GAD2: variants seen among roughly 807,000 people sequenced by gnomAD.
GAD2 encodes the protein glutamate decarboxylase 2, also known as 65 kDa glutamic acid decarboxylase.
In GAD2, 22 loss-of-function variants were observed where a neutral mutation model predicts 80.1. That is an observed-to-expected ratio of 0.27 (90% CI 0.20 to 0.39). The LOEUF is 0.39. Ranked by LOEUF, GAD2 falls within the 10% of genes least tolerant of loss-of-function variation. GAD2 has a pLI of 1.00. For missense variants in GAD2, 624 were observed against 738.4 expected, an observed-to-expected ratio of 0.85 and a Z score of 1.80; for synonymous variants, 274 against 256.9, an observed-to-expected ratio of 1.07 and a Z score of -0.64.
rs769617908 is a variant in GAD2 at position 26,245,967 on chromosome 10, C to G, written c.887C>G (p.Thr296Arg). 6.2e-7 allele frequency: 1 copy of G among 1,614,134 alleles called. No homozygotes were observed. The highest frequency in any genetic ancestry group is 1.3e-5 in the African/African-American group (1 of 75,038). Residue 296 changes from threonine (T) to arginine (R), a missense_variant, in exon 8 of 16, where the codon ACA (threonine) becomes AGA (arginine). Thr to Arg is a moderately conservative substitution (Grantham distance 71, BLOSUM62 -1). Transcript: ENST00000376261. ...GGAGCTGCAGCCTTAGGGATTGGAA[C>G]AGACAGCGTGATTCTGATTAAATGT... is the stretch of plus-strand genomic sequence containing the variant. ...KKGAAALGIG[T>R]DSVILIKCDE...
intron 7 of GAD2, among the ~76,000 whole-genome samples, chr10:26,241,412 T>G (rs1404210531): frequency 6.6e-6 from 1 of 152,190 alleles, no homozygotes; most frequent in African/African-American, 2.4e-5. Flanking sequence ...CCCTCCTGTC[T>G]AGGGCCAGGT....
intron 7 of GAD2, 76 bp from the exon 8 acceptor site, chr10:26,245,845 C>G: frequency 8.4e-7 from 1 of 1,186,530 alleles, no homozygotes; most frequent in Non-Finnish European, 1.2e-6. Context: ...AAAAGGAAAA[C>G]AGAAAACAAA....
intron 8 of GAD2, 38 bp downstream of exon 8, chr10:26,246,038 T>G: frequency 6.4e-7 from 1 of 1,574,786 alleles, no homozygotes; most frequent in South Asian, 1.1e-5. Flanking sequence ...GTTAGCAATT[T>G]GCAAATTCCA....
chr10:26,219,664 G>A (rs933940337), intron 4 of GAD2, among the ~76,000 whole-genome samples: 10 of 152,190 alleles, frequency 6.6e-5, no homozygotes, highest in Non-Finnish European at 8.8e-5. Context: ...ACAAAAGCCC[G>A]AATACCAGTG....
intron 4 of GAD2, among the ~76,000 whole-genome samples, chr10:26,222,864 A>G (rs1483028122): frequency 3.9e-5 from 6 of 152,240 alleles, no homozygotes; most frequent in African/African-American, 1.4e-4. Flanking sequence ...ATCACATCCC[A>G]GGCTTCAGAC....
Position 26,229,582 on chromosome 10 carries a change from A to G in GAD2, c.725-80A>G, listed in dbSNP as rs978744435. 9.4e-6 allele frequency: 9 copies of G among 959,574 alleles called. 1 individual carries two copies. Among genetic ancestry groups the G allele is most frequent in the South Asian group, 2.9e-5 (2 of 70,118 alleles). The allele number at this position is 959,574 out of a possible 1,614,324, so 59.4% of individuals were successfully genotyped here. ...TCTGAGTCCAAGGAGGACTCAGGTC[A>G]GTGGAAATAAGGAATGTTGCTTGCA... On this transcript the variant is annotated intron_variant, in intron 6 of 15. Transcript: ENST00000376261.
At chr10:26,275,142 TA>T (rs1845184171) in intron 11 of GAD2, among the ~76,000 whole-genome samples, 1 of 151,992 alleles carries the variant, frequency 6.6e-6, no homozygotes, top group South Asian at 2.1e-4. Flanking sequence ...GGAGAGACAA[TA>T]AAAGAGAGAG....
chr10:26,274,325 A>G (rs1845173635), intron 11 of GAD2, among the ~76,000 whole-genome samples: 1 of 152,224 alleles, frequency 6.6e-6, no homozygotes, highest in Admixed American at 6.5e-5. Context: ...AAAAGCTGAA[A>G]AACACAAAGG....
chr10:26,254,685 G>A lies in GAD2; in HGVS notation c.920+8685G>A, dbSNP rs372936227. Reference sequence around the variant, plus strand: ...CATCACTGAAGGGTTTTGAGCAGGGGAACAACAGCATATTTTTGTGTTAGA... The same window carrying A: ...CATCACTGAAGGGTTTTGAGCAGGGAAACAACAGCATATTTTTGTGTTAGA... On this transcript the variant is annotated intron_variant, in intron 8 of 15. Transcript: ENST00000376261. 1.3e-3 allele frequency among the ~76,000 whole-genome samples: 205 copies of A among 152,342 alleles called. 2 individuals are homozygous for A. The highest frequency in any genetic ancestry group is 4.8e-3 in the African/African-American group (200 of 41,584).
chr10:26,268,504 A>G (rs1178382578), intron 8 of GAD2, among the ~76,000 whole-genome samples: 1 of 151,672 alleles, frequency 6.6e-6, no homozygotes, highest in Non-Finnish European at 1.5e-5. Flanking sequence ...TGTCTCTCGT[A>G]CCATGATTAT....
At chr10:26,231,693 G>A (rs962747768) in intron 7 of GAD2, among the ~76,000 whole-genome samples, 1 of 152,036 alleles carries the variant, frequency 6.6e-6, no homozygotes, top group Non-Finnish European at 1.5e-5. Flanking sequence ...TAGTTCTGGG[G>A]GTCAAAAATC....
intron 7 of GAD2, among the ~76,000 whole-genome samples, chr10:26,232,240 T>A (rs543913748): frequency 6.6e-6 from 1 of 152,276 alleles, no homozygotes; most frequent in Admixed American, 6.5e-5. Context: ...GATCTTTTAT[T>A]GGGCGTCTTT....
At chr10:26,292,431 C>A in intron 13 of GAD2, 34 bp from the exon 14 acceptor site, 1 of 1,524,320 alleles carries the variant, frequency 6.6e-7, no homozygotes. Context: ...GCACTCTTAG[C>A]CTGCTTAATG....
At chr10:26,218,552 C>CTCTG (rs66671953) in intron 3 of GAD2, among the ~76,000 whole-genome samples, 1 of 15,692 alleles carries the variant, frequency 6.4e-5, no homozygotes, top group African/African-American at 8.9e-5. Flanking sequence ...CTCTCTCTCT[C>CTCTG]ACACACACAC....
intron 12 of GAD2, among the ~76,000 whole-genome samples, chr10:26,282,816 T>A (rs1425323658): frequency 6.6e-6 from 1 of 152,200 alleles, no homozygotes; most frequent in East Asian, 1.9e-4. Context: ...CTTCTGTGTC[T>A]TCATCAGTAA....
chr10:26,272,693 G>T (rs570638445), intron 10 of GAD2, among the ~76,000 whole-genome samples: 2 of 152,048 alleles, frequency 1.3e-5, no homozygotes, highest in South Asian at 2.1e-4. Context: ...GTGAAACCTC[G>T]TCTCTACTAA....
chr10:26,269,250 T>C, intron 9 of GAD2, 77 bp downstream of exon 9: 1 of 1,281,656 alleles, frequency 7.8e-7, no homozygotes, highest in Non-Finnish European at 1.1e-6. Context: ...GTTTTGGTTT[T>C]ATTTTAAAAA....
intron 4 of GAD2, among the ~76,000 whole-genome samples, chr10:26,221,025 C>G (rs541253354): frequency 4.6e-5 from 7 of 152,306 alleles, no homozygotes; most frequent in Non-Finnish European, 7.4e-5. Context: ...CAAGGCATAT[C>G]AATTCAATCT....
At chr10:26,234,322 C>A (rs1040665171) in intron 7 of GAD2, among the ~76,000 whole-genome samples, 1 of 135,558 alleles carries the variant, frequency 7.4e-6, no homozygotes, top group Non-Finnish European at 1.6e-5. Context: ...AGTGAGACTC[C>A]GTCAAAAAAA....
Sources: allele counts gnomAD v4.1 joint callset (sites outside exome capture counted in the v4.1 genomes callset), GRCh38; gene constraint gnomAD v4.1.1; transcripts MANE v1.5; gene names NCBI Gene and HGNC (gene_info 2026-07-23, HGNC 2026-07-21).